MAF: variants seen among roughly 807,000 people sequenced by gnomAD.
MAF encodes transcription factor Maf.
In MAF, 10 loss-of-function variants were observed where a neutral mutation model predicts 22.0. The observed-to-expected ratio is 0.45, with a 90% CI of 0.28 to 0.77. The LOEUF (loss-of-function observed/expected upper bound fraction) is 0.77, where lower values mean the gene tolerates loss of function less well. Ranked by LOEUF, MAF falls within the 30% of genes least tolerant of loss-of-function variation. MAF has a pLI of 0.12. For synonymous variants in MAF, 337 were observed against 255.8 expected, an observed-to-expected ratio of 1.32 and a Z score of -3.03; for missense variants, 544 against 548.4, an observed-to-expected ratio of 0.99 and a Z score of 0.08.
At chr16:79,476,311 A>G in the MAF span, among the ~76,000 whole-genome samples, 2 of 152,224 alleles carry the variant, frequency 1.3e-5, no homozygotes, top group Non-Finnish European at 2.9e-5. Flanking sequence ...TGAGATAACA[A>G]GTGAGATAAA....
chr16:79,297,427 CACGCCTTGGAGGGTGGCACCAT>C, the MAF span, among the ~76,000 whole-genome samples: 3 of 152,264 alleles, frequency 2.0e-5, no homozygotes, highest in East Asian at 3.9e-4. Context: ...AGGAAGTGCA[CACGCCTTGGAGGGTGGCACCAT>C]TTTGTAACAA....
At chr16:79,238,361 C>G in the MAF span, among the ~76,000 whole-genome samples, 1 of 152,082 alleles carries the variant, frequency 6.6e-6, no homozygotes, top group Non-Finnish European at 1.5e-5. Flanking sequence ...TTTACAGATT[C>G]CCTTTGTATC....
chr16:79,376,887 T>C, the MAF span, among the ~76,000 whole-genome samples: 1 of 152,242 alleles, frequency 6.6e-6, no homozygotes, highest in Admixed American at 6.5e-5. Flanking sequence ...TATTCCATGG[T>C]GTATATATGC....
chr16:79,507,581 T>C, the MAF span, among the ~76,000 whole-genome samples: 1 of 151,910 alleles, frequency 6.6e-6, no homozygotes, highest in African/African-American at 2.4e-5. Flanking sequence ...CCCACCACCA[T>C]GCCTGGCTAA....
chr16:79,590,356 G>T (rs1003590973), downstream of MAF, among the ~76,000 whole-genome samples: 2 of 152,168 alleles, frequency 1.3e-5, no homozygotes, highest in East Asian at 3.9e-4. Flanking sequence ...AAAGATTCCA[G>T]CTGAGCTTCC....
At chr16:79,358,880 T>C in the MAF span, among the ~76,000 whole-genome samples, 2 of 152,098 alleles carry the variant, frequency 1.3e-5, no homozygotes, top group African/African-American at 4.8e-5. Context: ...GCTGCTCCGA[T>C]GGGAGGGAAA....
chr16:79,398,341 T>C, the MAF span, among the ~76,000 whole-genome samples: 2 of 152,242 alleles, frequency 1.3e-5, no homozygotes, highest in South Asian at 2.1e-4. Context: ...ACTTGCAGTA[T>C]GGAAATTAAA....
the MAF span, among the ~76,000 whole-genome samples, chr16:79,537,321 A>G: frequency 6.6e-6 from 1 of 152,222 alleles, no homozygotes; most frequent in African/African-American, 2.4e-5. Flanking sequence ...CATCATCATC[A>G]TTAGCCTCTA....
the MAF span, among the ~76,000 whole-genome samples, chr16:79,473,092 G>A: frequency 7.9e-5 from 12 of 152,270 alleles, no homozygotes; most frequent in East Asian, 2.3e-3. Context: ...ACATGGAACT[G>A]GGGATGCCTT....
At chr16:79,405,961 G>A in the MAF span, among the ~76,000 whole-genome samples, 3,391 of 152,196 alleles carry the variant, frequency 0.022, 124 homozygotes, top group African/African-American at 0.077. Flanking sequence ...CGGCTTCTTT[G>A]GCTGCAGAAG....
intron 1 of MAF, 85 bp from the exon 2 acceptor site, chr16:79,594,638 GA>G (rs1174546566): frequency 3.1e-5 from 45 of 1,449,646 alleles, no homozygotes; most frequent in Middle Eastern, 1.8e-4. Flanking sequence ...TTCCTCATAT[GA>G]TTTTTTTTTT....
the MAF span, among the ~76,000 whole-genome samples, chr16:79,216,191 C>G: frequency 6.6e-6 from 1 of 151,174 alleles, no homozygotes; most frequent in African/African-American, 2.5e-5. Flanking sequence ...GTATATATGT[C>G]GTGCACATCT....
chr16:79,535,400 A>T, the MAF span, among the ~76,000 whole-genome samples: 1 of 150,824 alleles, frequency 6.6e-6, no homozygotes, highest in South Asian at 2.1e-4. Flanking sequence ...CACACTTGCC[A>T]CTTCTGCTTG....
chr16:79,257,183 AT>A, the MAF span, among the ~76,000 whole-genome samples: 1 of 152,158 alleles, frequency 6.6e-6, no homozygotes. Context: ...CTTCAAAAAA[AT>A]AAATAAAAAT....
the MAF span, among the ~76,000 whole-genome samples, chr16:79,484,869 G>T: frequency 6.6e-6 from 1 of 152,200 alleles, no homozygotes; most frequent in Non-Finnish European, 1.5e-5. Context: ...AGGACCTGAA[G>T]GTCTGGCCTC....
At chr16:79,246,829 C>T in the MAF span, among the ~76,000 whole-genome samples, 1 of 151,936 alleles carries the variant, frequency 6.6e-6, no homozygotes, top group Admixed American at 6.6e-5. Flanking sequence ...TCCATCTGTC[C>T]ATCCATCCAT....
chr16:79,518,779 G>A, the MAF span, among the ~76,000 whole-genome samples: 9 of 152,094 alleles, frequency 5.9e-5, no homozygotes, highest in African/African-American at 2.2e-4. Context: ...ACAAAAATTA[G>A]CCAGGCTTGG....
chr16:79,333,200 G>A, the MAF span, among the ~76,000 whole-genome samples: 2 of 152,156 alleles, frequency 1.3e-5, no homozygotes, highest in Admixed American at 1.3e-4. Context: ...TGGCTCGCTG[G>A]ACCAGAAGAA....
chr16:79,429,135 TC>T, the MAF span, among the ~76,000 whole-genome samples: 3 of 152,166 alleles, frequency 2.0e-5, no homozygotes, highest in Non-Finnish European at 4.4e-5. Context: ...TTTTGGCACA[TC>T]CGTGGGAGGG....
Sources: gnomAD v4.1 joint callset for allele counts (sites outside exome capture counted in the v4.1 genomes callset) on GRCh38, gnomAD v4.1.1 for gene constraint, MANE v1.5 for transcripts, NCBI Gene and HGNC (gene_info 2026-07-23, HGNC 2026-07-21) for gene names.